Variants in ZNF624 observed in about 807,000 individuals in gnomAD.
ZNF624 encodes zinc finger protein 624.
Under a neutral mutation model 74.7 loss-of-function variants are expected in ZNF624, and 43 were observed. The ratio of observed to expected loss-of-function variants is 0.58; its 90% CI spans 0.45 to 0.74. The LOEUF is 0.74. Ranked by LOEUF, ZNF624 falls within the 30% of genes least tolerant of loss-of-function variation. The probability of loss-of-function intolerance (pLI) is 0.00; values close to 1 mark genes in which losing one functional copy is unlikely to be tolerated. For synonymous variants in ZNF624, 331 were observed against 341.3 expected (o/e 0.97, Z 0.33); for missense variants, 820 against 1,030.0 (o/e 0.80, Z 2.79).
At chr17:16,645,633 C>CA (rs747605908) in intron 3 of ZNF624, among the ~76,000 whole-genome samples, 2,216 of 108,138 alleles carry the variant, frequency 0.02, 53 homozygotes, top group African/African-American at 0.059. Flanking sequence ...GACTACGCTA[C>CA]AAAAAAAAAA....
downstream of ZNF624, chr17:16,616,978 T>C: frequency 5.0e-6 from 8 of 1,600,738 alleles, no homozygotes; most frequent in South Asian, 1.1e-5. Context: ...TAGCGGCGAA[T>C]TGGAACGGGA....
intron 5 of ZNF624, among the ~76,000 whole-genome samples, chr17:16,630,265 AAAG>A (rs903637201): frequency 6.6e-6 from 1 of 152,140 alleles, no homozygotes; most frequent in African/African-American, 2.4e-5. Flanking sequence ...TAGAAAAAAA[AAAG>A]AGAAGAGGCT....
downstream of ZNF624, chr17:16,617,874 C>T: frequency 6.2e-7 from 1 of 1,600,696 alleles, no homozygotes; most frequent in Non-Finnish European, 8.5e-7. Context: ...TATGTAGACG[C>T]GCGGCATGTC....
chr17:16,623,928 T>G lies in ZNF624; in HGVS notation c.958A>C (p.Ser320Arg), dbSNP rs763550991. Residue 320 changes from serine (S) to arginine (R), a missense_variant, in exon 6 of 6, where the codon AGT becomes CGT. Physicochemically the swap from Ser to Arg is moderately radical, Grantham distance 110 (BLOSUM62 -1). Transcript: ENST00000311331. The surrounding 1 kb of genome is among the most constrained non-coding windows in gnomAD (Gnocchi z 5.3). ...CCAGTGTGGATTTTTTTGTGCTGAC[T>G]GAGATATGAAGGCTGGCTGAATGTT... ...GKTFSQPSYLSQHKKIHTGEK... is the reference protein window; with the variant it reads ...GKTFSQPSYLRQHKKIHTGEK... The G allele has an allele frequency of 1.9e-6, 3 of 1,613,990 alleles. No individual in the cohort carries two copies. Among genetic ancestry groups the G allele is most frequent in the Middle Eastern group, 1.6e-4 (1 of 6,062 alleles).
intron 3 of ZNF624, among the ~76,000 whole-genome samples, chr17:16,643,321 A>G (rs2142638309): frequency 6.6e-6 from 1 of 152,382 alleles, no homozygotes; most frequent in African/African-American, 2.4e-5. Context: ...AGCTATATCC[A>G]TACAACTGGA....
chr17:16,649,720 A>G lies in ZNF624; in HGVS notation c.25T>C (p.Ser9Pro). 2 of 1,614,012 alleles carry G rather than the reference A, an allele frequency of 1.2e-6. No individual in the cohort carries two copies. The highest frequency in any genetic ancestry group is 2.7e-5 in the African/African-American group (2 of 75,058). ...TCTCCCTCTGGTTTCCCCTCTCTGG[A>G]AAGAGTGGAGTCTTGCAAAGACATA... is the stretch of plus-strand genomic sequence containing the variant. MSLQDSTL[S>P]REGKPEGEIM... Residue 9 changes from serine (S) to proline (P), a missense_variant, in exon 2 of 6, where the codon TCC (serine) becomes CCC (proline). Physicochemically the swap from Ser to Pro is moderately conservative, Grantham distance 74. Coordinates refer to ENST00000311331, the MANE Select transcript of ZNF624 (RefSeq NM_020787.4).
intron 5 of ZNF624, among the ~76,000 whole-genome samples, chr17:16,626,149 C>T (rs1459465798): frequency 6.6e-6 from 1 of 152,106 alleles, no homozygotes; most frequent in Admixed American, 6.5e-5. Context: ...AAGCATTTTG[C>T]TATGTTGGCC....
At chr17:16,619,935 C>T (rs905026595), downstream of ZNF624, among the ~76,000 whole-genome samples, 1 of 152,202 alleles carries the variant, frequency 6.6e-6, no homozygotes, top group Non-Finnish European at 1.5e-5. Flanking sequence ...TCAAACCTTT[C>T]AGTCAGAAAG....
At chr17:16,649,586 G>C in intron 2 of ZNF624, 72 bp downstream of exon 2, 2 of 1,392,422 alleles carry the variant, frequency 1.4e-6, no homozygotes, top group Admixed American at 1.7e-5. Context: ...TAGAGAAGTC[G>C]CAAGCCTTCA....
chr17:16,637,957 C>T (rs1214024988), intron 3 of ZNF624, among the ~76,000 whole-genome samples: 1 of 152,006 alleles, frequency 6.6e-6, no homozygotes, highest in Non-Finnish European at 1.5e-5. Flanking sequence ...AAAATTTTTG[C>T]AACCTACTCA....
intron 2 of ZNF624, among the ~76,000 whole-genome samples, chr17:16,648,855 T>C (rs1909653827): frequency 1.3e-5 from 2 of 152,186 alleles, no homozygotes; most frequent in Admixed American, 1.3e-4. Flanking sequence ...CCAACTTGAA[T>C]CACAAGCTCA....
downstream of ZNF624, chr17:16,617,139 T>C: frequency 6.2e-7 from 1 of 1,613,234 alleles, no homozygotes; most frequent in Non-Finnish European, 8.5e-7. Context: ...TGGGCTTAGA[T>C]TTGCTCTTTG....
intron 3 of ZNF624, among the ~76,000 whole-genome samples, chr17:16,635,878 A>AG (rs1467593917): frequency 2.1e-5 from 3 of 141,180 alleles, no homozygotes; most frequent in South Asian, 2.2e-4. Context: ...GCATTTTAAG[A>AG]GAAAAAAAAA....
chr17:16,649,761 T>A lies in ZNF624; in HGVS notation c.-2-15A>T, dbSNP rs532562718. 1.9e-6 allele frequency: 3 copies of A among 1,607,464 alleles called. No homozygotes were observed. In the African/African-American group the frequency reaches 4.0e-5, roughly 21 times the overall value. On this transcript the variant is annotated splice_polypyrimidine_tract_variant and intron_variant, in intron 1 of 5. Coordinates refer to ENST00000311331, the MANE Select transcript of ZNF624 (RefSeq NM_020787.4). ...CAAAGACATACCTAAGGAAGAGAAA[T>A]AAGCCATGGAAACCAATCCTGCCTG...
At chr17:16,648,676 C>T (rs1255477069) in intron 2 of ZNF624, among the ~76,000 whole-genome samples, 1 of 152,202 alleles carries the variant, frequency 6.6e-6, no homozygotes, top group Non-Finnish European at 1.5e-5. Flanking sequence ...TTGGTATTCT[C>T]TTTCTTCTGA....
At chr17:16,652,513 G>A (rs902199246) in intron 1 of ZNF624, among the ~76,000 whole-genome samples, 2 of 152,144 alleles carry the variant, frequency 1.3e-5, no homozygotes, top group African/African-American at 2.4e-5. Context: ...TGTAGATTAT[G>A]TAGATTATGC....
Position 16,621,888 on chromosome 17 carries a change from A to G in ZNF624, c.*400T>C, listed in dbSNP as rs1908922828. 1 of 154,790 alleles carries G rather than the reference A, an allele frequency of 6.5e-6. No individual in the cohort carries two copies. Among genetic ancestry groups the G allele is most frequent in the Non-Finnish European group, 1.4e-5 (1 of 69,788 alleles). The allele number at this position is 154,790 out of a possible 1,614,324, so 9.6% of individuals were successfully genotyped here. A position where few individuals can be genotyped will look rare whatever the true frequency, so the allele number is the denominator to read the frequency against. ...AATGTTGTGCATTACTATAAAGTAT[A>G]AAGACAAATGCTAGATTAAGAAAAA... is the stretch of plus-strand genomic sequence containing the variant. On this transcript the variant is annotated 3_prime_UTR_variant, in exon 6 of 6. Coordinates refer to ENST00000311331, the MANE Select transcript of ZNF624 (RefSeq NM_020787.4).
chr17:16,622,694 T>G lies in ZNF624; in HGVS notation c.2192A>C (p.Lys731Thr), dbSNP rs1252667574. ...EKPFKCNDCG[K>T]AFSQMVHVTE... The stretch of plus-strand genomic sequence containing the variant: ...GACATGTACCATCTGGCTAAATGCT[T>G]TCCCACAGTCATTACATTTAAATGG... The change falls in exon 6 of 6, where the codon AAA becomes ACA. Residue 731 changes from lysine (K) to threonine (T), a missense_variant. Physicochemically the swap from Lys to Thr is moderately conservative, Grantham distance 78 (BLOSUM62 -1). Coordinates refer to ENST00000311331, the MANE Select transcript of ZNF624 (RefSeq NM_020787.4). The G allele has an allele frequency of 6.2e-7, 1 of 1,613,872 alleles. No individual in the cohort carries two copies. Among genetic ancestry groups the G allele is most frequent in the Non-Finnish European group, 8.5e-7 (1 of 1,179,984 alleles).
At chr17:16,631,238 AGT>A in intron 5 of ZNF624, 1 of 152,374 alleles carries the variant, frequency 6.6e-6, no homozygotes, top group South Asian at 2.1e-4. Flanking sequence ...TACATAAAAA[AGT>A]GTGATATAGT....
Sources: gnomAD v4.1 joint callset for allele counts (sites outside exome capture counted in the v4.1 genomes callset) on GRCh38, gnomAD v4.1.1 for gene constraint, Gnocchi (gnomAD v3.1) non-coding constraint, MANE v1.5 for transcripts, NCBI Gene and HGNC (gene_info 2026-07-23, HGNC 2026-07-21) for gene names.